The following ELMO1 variants were observed in gnomAD, a reference collection of about 807,000 sequenced individuals.
ELMO1 encodes engulfment and cell motility 1.
A neutral mutation model predicts 98.9 loss-of-function variants in ELMO1; 26 were observed. The ratio of observed to expected loss-of-function variants is 0.26; its 90% CI spans 0.19 to 0.36. The LOEUF (loss-of-function observed/expected upper bound fraction) is 0.36. ELMO1 is among the 10% of genes least tolerant of loss of function. The probability of loss-of-function intolerance (pLI) is 1.00; values close to 1 mark genes in which losing one functional copy is unlikely to be tolerated. For missense variants in ELMO1, 627 were observed against 935.2 expected (o/e 0.67, Z 4.30); for synonymous variants, 346 against 346.0 (o/e 1.00, Z 0.00).
At chr7:37,426,738 A>G (rs1172164153) in intron 1 of ELMO1, among the ~76,000 whole-genome samples, 2 of 152,154 alleles carry the variant, frequency 1.3e-5, no homozygotes, top group Middle Eastern at 3.2e-3. Context: ...CCCAAACTCT[A>G]GTTCTTCAAA....
intron 15 of ELMO1, among the ~76,000 whole-genome samples, chr7:37,041,435 T>C (rs1454052471): frequency 1.3e-5 from 2 of 152,198 alleles, no homozygotes; most frequent in South Asian, 2.1e-4. Context: ...CGAGTTGGGA[T>C]TGCAGCAGTG....
At chr7:37,154,684 T>G (rs1200905126) in intron 13 of ELMO1, among the ~76,000 whole-genome samples, 1 of 152,208 alleles carries the variant, frequency 6.6e-6, no homozygotes, top group Non-Finnish European at 1.5e-5. Context: ...AATCTACATT[T>G]GACTAGTGCA....
At chr7:36,983,965 A>ATT (rs60966397) in intron 16 of ELMO1, among the ~76,000 whole-genome samples, 3 of 143,566 alleles carry the variant, frequency 2.1e-5, no homozygotes, top group Admixed American at 6.9e-5. Context: ...ACTGTTTTAG[A>ATT]TTTTTTTTTT....
At chr7:37,229,509 A>C (rs1794049996) in intron 8 of ELMO1, among the ~76,000 whole-genome samples, 1 of 152,174 alleles carries the variant, frequency 6.6e-6, no homozygotes, top group Admixed American at 6.5e-5. Context: ...CAGGGAAAAA[A>C]AATATTTCTC....
chr7:37,090,531 G>C (rs547826241), intron 15 of ELMO1, among the ~76,000 whole-genome samples: 47 of 152,188 alleles, frequency 3.1e-4, no homozygotes, highest in Admixed American at 1.1e-3. Context: ...CAAACCCTCT[G>C]CATTAACTAC....
chr7:37,313,384 C>T (rs1798985723), intron 4 of ELMO1, among the ~76,000 whole-genome samples: 1 of 152,102 alleles, frequency 6.6e-6, no homozygotes, highest in Admixed American at 6.5e-5. Context: ...ATCACCATAC[C>T]CAGCTAATTT....
At chr7:37,062,866 T>C (rs1796740085) in intron 15 of ELMO1, among the ~76,000 whole-genome samples, 1 of 152,146 alleles carries the variant, frequency 6.6e-6, no homozygotes, top group Non-Finnish European at 1.5e-5. Context: ...GAAAAGACAG[T>C]TGCATGAGCA....
chr7:37,050,781 C>A lies in ELMO1; in HGVS notation c.1301-37346G>T, dbSNP rs1316564885. On this transcript the variant is annotated intron_variant, in intron 15 of 21. Coordinates refer to ENST00000310758, the MANE Select transcript of ELMO1 (RefSeq NM_014800.11). ...TACATACAATTACCAAAAAAAAAAACCCTATTTGATAGATGTAGAAGCCAA... is the reference window on the plus strand; with the variant it reads ...TACATACAATTACCAAAAAAAAAAAACCTATTTGATAGATGTAGAAGCCAA... 6.9e-5 allele frequency among the ~76,000 whole-genome samples: 10 copies of A among 145,262 alleles called. No homozygotes were observed. The East Asian group carries it at 1.2e-3, about 17-fold the overall frequency.
intron 1 of ELMO1, among the ~76,000 whole-genome samples, chr7:37,421,861 T>C (rs1162710875): frequency 6.6e-6 from 1 of 152,180 alleles, no homozygotes; most frequent in Non-Finnish European, 1.5e-5. Context: ...CCCCTCTGCT[T>C]GGAGTTTACA....
chr7:37,447,061 C>T (rs1200315642), intron 1 of ELMO1, among the ~76,000 whole-genome samples: 1 of 152,114 alleles, frequency 6.6e-6, no homozygotes, highest in Non-Finnish European at 1.5e-5. Flanking sequence ...GGAAAGTAGG[C>T]ATGGAGGTGA....
chr7:37,107,763 A>G (rs1404325135), intron 14 of ELMO1, among the ~76,000 whole-genome samples: 2 of 152,258 alleles, frequency 1.3e-5, no homozygotes, highest in Non-Finnish European at 2.9e-5. Flanking sequence ...CACCACATAT[A>G]TTGTCTGAAA....
chr7:36,874,752 T>A (rs1182345233), intron 19 of ELMO1, among the ~76,000 whole-genome samples: 4 of 152,174 alleles, frequency 2.6e-5, no homozygotes, highest in Admixed American at 6.5e-5. Flanking sequence ...ACCCAGGGCA[T>A]GGCTGGAAAG....
At chr7:36,861,363 C>T (rs1562777328) in intron 21 of ELMO1, among the ~76,000 whole-genome samples, 1 of 152,184 alleles carries the variant, frequency 6.6e-6, no homozygotes, top group Admixed American at 6.5e-5. Flanking sequence ...CAATGAAAAC[C>T]AAAGCTGTAA....
chr7:37,056,968 G>A (rs576309242), intron 15 of ELMO1, among the ~76,000 whole-genome samples: 2 of 152,266 alleles, frequency 1.3e-5, no homozygotes, highest in Non-Finnish European at 2.9e-5. Flanking sequence ...AATAATTAAT[G>A]TAAAAATTCT....
chr7:37,145,977 T>C (rs1270171503), intron 13 of ELMO1, among the ~76,000 whole-genome samples: 1 of 152,108 alleles, frequency 6.6e-6, no homozygotes, highest in East Asian at 1.9e-4. Flanking sequence ...AATGAATATG[T>C]GGGTGTTTCA....
At chr7:37,330,559 A>G (rs2717943) in intron 2 of ELMO1, among the ~76,000 whole-genome samples, 75,131 of 151,952 alleles carry the variant, frequency 0.49, 19,456 homozygotes, top group Non-Finnish European at 0.58. Flanking sequence ...CCTGACTGCC[A>G]TCAATCAGAA....
intron 1 of ELMO1, among the ~76,000 whole-genome samples, chr7:37,386,660 G>A (rs1053626471): frequency 1.3e-5 from 2 of 151,876 alleles, no homozygotes; most frequent in Admixed American, 6.6e-5. Context: ...GTCCACACTC[G>A]TGTCAGGTAA....
At position 37,269,430 on chromosome 7, in the gene ELMO1, C is replaced by CTT. The variant is rs35437017; in HGVS notation, c.243+2400_243+2401dup. The stretch of plus-strand genomic sequence containing the variant: ...CAGTCTTTTGTAGCTGGGCTCCTAT[C>CTT]TTTTTTTTTTTTTTTTTTTTTTTGA... On this transcript the variant is annotated intron_variant, in intron 5 of 21. Transcript: ENST00000310758. 378 of 100,892 alleles carry CTT rather than the reference C, an allele frequency of 3.7e-3. 1 individual carries two copies. The highest frequency in any genetic ancestry group is 5.0e-3 in the Middle Eastern group (1 of 200). The allele number at this position is 100,892 out of a possible 1,614,324, so 6.2% of individuals were successfully genotyped here.
chr7:37,154,407 A>G (rs1788583399), intron 13 of ELMO1, among the ~76,000 whole-genome samples: 1 of 70,594 alleles, frequency 1.4e-5, no homozygotes, highest in Non-Finnish European at 4.8e-5. Flanking sequence ...CAAGGAAGCT[A>G]AAAACCCTGA....
Sources: gnomAD v4.1 joint callset for allele counts (sites outside exome capture counted in the v4.1 genomes callset) on GRCh38, gnomAD v4.1.1 for gene constraint, MANE v1.5 for transcripts, NCBI Gene and HGNC (gene_info 2026-07-23, HGNC 2026-07-21) for gene names.